The following DPYS variants were observed in gnomAD, a reference collection of about 807,000 sequenced individuals.
DPYS encodes dihydropyrimidine amidohydrolase.
In DPYS, 39 loss-of-function variants were observed where a neutral mutation model predicts 50.3. That is an observed-to-expected ratio of 0.78 (90% confidence interval 0.60 to 1.01). DPYS has a LOEUF of 1.01. Among genes scored for constraint, DPYS ranks in the 50% least tolerant of loss-of-function variants. DPYS has a pLI of 0.00. For missense variants in DPYS, 659 were observed against 680.9 expected (o/e 0.97, Z 0.36); for synonymous variants, 245 against 250.7 (o/e 0.98, Z 0.22).
intron 8 of DPYS, among the ~76,000 whole-genome samples, chr8:104,382,788 T>C (rs1811099271): frequency 6.6e-6 from 1 of 152,148 alleles, no homozygotes. Context: ...CCTCTTGGCA[T>C]TCATACTCAG....
chr8:104,406,050 C>T (rs557453204), intron 7 of DPYS, among the ~76,000 whole-genome samples: 6 of 152,332 alleles, frequency 3.9e-5, no homozygotes, highest in African/African-American at 1.2e-4. Context: ...AGTGAAGTAA[C>T]TCCCCCTGGG....
chr8:104,456,292 T>C (rs2140754474), intron 1 of DPYS, among the ~76,000 whole-genome samples: 1 of 152,302 alleles, frequency 6.6e-6, no homozygotes, highest in African/African-American at 2.4e-5. Flanking sequence ...CACATGACCA[T>C]AAATGGTGTA....
chr8:104,418,893 G>C, intron 7 of DPYS: 1 of 415,992 alleles, frequency 2.4e-6, no homozygotes, highest in Non-Finnish European at 3.2e-6. Context: ...GCTTCTTAAA[G>C]GCAGGGTGTG....
At chr8:104,425,626 A>G (rs1264439213) in intron 6 of DPYS, among the ~76,000 whole-genome samples, 2 of 152,082 alleles carry the variant, frequency 1.3e-5, no homozygotes, top group Non-Finnish European at 2.9e-5. Flanking sequence ...CCCAGATGCA[A>G]TCCTTTTGAA....
At chr8:104,399,165 G>A (rs1170086893) in intron 7 of DPYS, among the ~76,000 whole-genome samples, 2 of 151,602 alleles carry the variant, frequency 1.3e-5, no homozygotes, top group Non-Finnish European at 2.9e-5. Context: ...GTGGTACATA[G>A]CTGTAATCCC....
At chr8:104,422,639 T>G (rs533886264) in intron 7 of DPYS, among the ~76,000 whole-genome samples, 8 of 152,364 alleles carry the variant, frequency 5.3e-5, no homozygotes, top group African/African-American at 1.7e-4. Flanking sequence ...CTCCCTGATG[T>G]TATGCTTCAA....
chr8:104,380,893 CTG>C (rs1811008696), intron 9 of DPYS: 3 of 336,544 alleles, frequency 8.9e-6, no homozygotes, highest in Non-Finnish European at 1.7e-5. Context: ...GTAGTTCCCT[CTG>C]TATGTTATCA....
At chr8:104,424,198 G>C (rs752505237) in intron 7 of DPYS, 49 bp downstream of exon 7, 2 of 1,613,634 alleles carry the variant, frequency 1.2e-6, no homozygotes, top group South Asian at 2.2e-5. Context: ...GTGCAAGTTA[G>C]TGCATTTTCT....
intron 1 of DPYS, among the ~76,000 whole-genome samples, chr8:104,455,373 G>C (rs1813888985): frequency 6.6e-6 from 1 of 152,194 alleles, no homozygotes; most frequent in African/African-American, 2.4e-5. Flanking sequence ...CATATAAAGT[G>C]GTGGTCCCAG....
chr8:104,410,673 T>C (rs1588419783), intron 7 of DPYS, among the ~76,000 whole-genome samples: 2 of 152,166 alleles, frequency 1.3e-5, no homozygotes, highest in South Asian at 2.1e-4. Flanking sequence ...TTGGATCAAC[T>C]CAAACCCTCA....
At chr8:104,427,750 G>A (rs76152539) in intron 6 of DPYS, among the ~76,000 whole-genome samples, 11,608 of 152,126 alleles carry the variant, frequency 0.076, 572 homozygotes, top group African/African-American at 0.13. Context: ...AAAATAGTGC[G>A]ATGCATCGTC....
intron 6 of DPYS, among the ~76,000 whole-genome samples, chr8:104,425,262 C>G (rs1490550139): frequency 6.8e-6 from 1 of 146,586 alleles, no homozygotes; most frequent in Non-Finnish European, 1.5e-5. Context: ...TGGTCTCACT[C>G]TGTTGCCCAG....
At chr8:104,403,315 G>A (rs1811885739) in intron 7 of DPYS, among the ~76,000 whole-genome samples, 1 of 152,148 alleles carries the variant, frequency 6.6e-6, no homozygotes, top group East Asian at 1.9e-4. Flanking sequence ...TCCCTTCCAT[G>A]ACCCATGGCT....
In DPYS at chr8:104,392,909, T is replaced by G; in HGVS notation, c.1318A>C (p.Thr440Pro). The G allele has an allele frequency of 6.2e-7, 1 of 1,614,198 alleles. No homozygotes were observed. The highest frequency in any genetic ancestry group is 8.5e-7 in the Non-Finnish European group (1 of 1,180,032). The change falls in exon 8 of 10, where the codon ACT becomes CCT. Residue 440 changes from threonine to proline, a missense_variant. Physicochemically the swap from Thr to Pro is conservative, Grantham distance 38. Coordinates refer to ENST00000351513, the MANE Select transcript of DPYS (RefSeq NM_001385.3). The stretch of plus-strand genomic sequence containing the variant: ...TATACCACTTTGCCTCTTGAAATAG[T>G]CACAAGGGGCACCCCGTGGCAAACC... ...GMVCHGVPLV[T>P]ISRGKVVYEA...
intron 2 of DPYS, among the ~76,000 whole-genome samples, chr8:104,449,416 TCCTCCTCCAAAAGTGTGG>T (rs1813653818): frequency 6.6e-6 from 1 of 152,212 alleles, no homozygotes; most frequent in Admixed American, 6.5e-5. Context: ...GCTTCAGCCT[TCCTCCTCCAAAAGTGTGG>T]CAACTGAACC....
At chr8:104,434,608 A>G (rs2140667129) in intron 4 of DPYS, among the ~76,000 whole-genome samples, 1 of 152,352 alleles carries the variant, frequency 6.6e-6, no homozygotes, top group Admixed American at 6.5e-5. Context: ...AAACGAAATC[A>G]AATCAAATAA....
At chr8:104,380,351 T>C (rs1810990704) in intron 9 of DPYS, among the ~76,000 whole-genome samples, 1 of 152,146 alleles carries the variant, frequency 6.6e-6, no homozygotes, top group Non-Finnish European at 1.5e-5. Context: ...TGGGGTTAAG[T>C]CTTGTGCAGA....
At chr8:104,430,611 T>C (rs987310844) in intron 4 of DPYS, among the ~76,000 whole-genome samples, 1 of 152,194 alleles carries the variant, frequency 6.6e-6, no homozygotes, top group Non-Finnish European at 1.5e-5. Context: ...ATTAACGATT[T>C]CCTCAGAGAG....
intron 1 of DPYS, among the ~76,000 whole-genome samples, chr8:104,457,326 G>A (rs1457752640): frequency 1.3e-5 from 2 of 152,168 alleles, no homozygotes; most frequent in Non-Finnish European, 2.9e-5. Flanking sequence ...TCACGTCCCA[G>A]TCCCAGGCAG....
Sources: gnomAD v4.1 joint callset for allele counts (sites outside exome capture counted in the v4.1 genomes callset) on GRCh38, gnomAD v4.1.1 for gene constraint, MANE v1.5 for transcripts, NCBI Gene and HGNC (gene_info 2026-07-23, HGNC 2026-07-21) for gene names.